The following FAM135B variants were observed in gnomAD, a reference collection of about 807,000 sequenced individuals.
The protein encoded by FAM135B is protein FAM135B.
FAM135B carries 43 observed loss-of-function variants against 127.7 expected under a neutral mutation model. The ratio of observed to expected loss-of-function variants is 0.34; its 90% confidence interval spans 0.26 to 0.43. FAM135B has a LOEUF of 0.43. FAM135B is among the 20% of genes least tolerant of loss of function. The pLI, the probability that FAM135B is intolerant of heterozygous loss-of-function variation, is 1.00. For synonymous variants in FAM135B, 670 were observed against 665.1 expected, an observed-to-expected ratio of 1.01 and a Z score of -0.11; for missense variants, 1,558 against 1,725.6, an observed-to-expected ratio of 0.90 and a Z score of 1.72.
chr8:138,332,983 GCACACACACA>G (rs59548249), intron 2 of FAM135B, among the ~76,000 whole-genome samples: 2 of 145,318 alleles, frequency 1.4e-5, no homozygotes, highest in Non-Finnish European at 3.0e-5. Context: ...TTTGGAAAGC[GCACACACACA>G]CACACACACA....
At position 138,141,414 on chromosome 8, in the gene FAM135B, G is replaced by T; in HGVS notation, c.3639-65C>A. On this transcript the variant is annotated intron_variant, in intron 16 of 19. Coordinates refer to ENST00000395297, the MANE Select transcript of FAM135B (RefSeq NM_015912.4). This position sits in a 1 kb window ranked among gnomAD's most constrained non-coding sequence, Gnocchi z 4.7. ...GAATGCTGCTGCCCAAGAGTGCAGT[G>T]CTGGAAGCATCAGGGGCCATTGTTC... 6.5e-7 allele frequency: 1 copy of T among 1,534,634 alleles called. No individual in the cohort carries two copies. The highest frequency in any genetic ancestry group is 1.4e-5 in the African/African-American group (1 of 73,628).
At chr8:138,444,829 C>T (rs1258309854) in intron 1 of FAM135B, among the ~76,000 whole-genome samples, 1 of 151,916 alleles carries the variant, frequency 6.6e-6, no homozygotes, top group Non-Finnish European at 1.5e-5. Flanking sequence ...GATAGAGACA[C>T]AAAAAACCCT....
At chr8:138,168,227 T>C (rs1820125558) in intron 11 of FAM135B, among the ~76,000 whole-genome samples, 178 bp from the exon 12 acceptor site, 1 of 152,190 alleles carries the variant, frequency 6.6e-6, no homozygotes, top group Non-Finnish European at 1.5e-5. Context: ...CTGCTTTGTT[T>C]TGGAACTGGC....
intron 2 of FAM135B, among the ~76,000 whole-genome samples, chr8:138,329,966 A>C (rs1828052611): frequency 6.6e-6 from 1 of 152,102 alleles, no homozygotes; most frequent in African/African-American, 2.4e-5. Context: ...CTGCTTGATA[A>C]AGTTATGTTG....
rs183512545 is a variant in FAM135B at position 138,131,580 on chromosome 8, C to G, written c.*1013G>C. 10 of 152,742 alleles carry G rather than the reference C, an allele frequency of 6.5e-5. No individual in the cohort carries two copies. The highest frequency in any genetic ancestry group is 2.4e-4 in the African/African-American group (10 of 41,576). 9.5% of individuals were successfully genotyped at this position (152,742 alleles called of 1,614,324 possible). On this transcript the variant is annotated 3_prime_UTR_variant, in exon 20 of 20. Coordinates refer to ENST00000395297, the MANE Select transcript of FAM135B (RefSeq NM_015912.4). ...TTTCTATTGAAAGATAGCCAGCACC[C>G]TTCTTAGAGCTCCCCTGAGGTTTTA...
intron 2 of FAM135B, among the ~76,000 whole-genome samples, chr8:138,344,006 C>A (rs1829230944): frequency 6.6e-6 from 1 of 152,148 alleles, no homozygotes. Context: ...CCTCCAGCAC[C>A]TCTGGCTGCT....
intron 1 of FAM135B, among the ~76,000 whole-genome samples, chr8:138,491,168 G>C (rs1012333454): frequency 6.8e-6 from 1 of 146,090 alleles, no homozygotes; most frequent in Non-Finnish European, 1.5e-5. Context: ...AAGAAAGAAA[G>C]AAAGAAAGAC....
intron 13 of FAM135B, among the ~76,000 whole-genome samples, chr8:138,149,322 G>T (rs1263139850): frequency 6.6e-6 from 1 of 152,042 alleles, no homozygotes; most frequent in Non-Finnish European, 1.5e-5. Context: ...TTTAAAAAGT[G>T]AAAGCTTCTT....
intron 12 of FAM135B, among the ~76,000 whole-genome samples, chr8:138,157,992 T>A (rs921201540): frequency 9.9e-5 from 15 of 152,224 alleles, no homozygotes; most frequent in African/African-American, 3.6e-4. Context: ...CATTGCCAAG[T>A]CAATCCTAAG....
At chr8:138,255,576 T>C (rs538901560) in intron 5 of FAM135B, among the ~76,000 whole-genome samples, 1 of 152,134 alleles carries the variant, frequency 6.6e-6, no homozygotes, top group Non-Finnish European at 1.5e-5. Flanking sequence ...TCTCCACATA[T>C]GTGGAATGAG....
intron 1 of FAM135B, among the ~76,000 whole-genome samples, chr8:138,410,663 C>T (rs1213318285): frequency 2.6e-5 from 4 of 152,154 alleles, no homozygotes; most frequent in Non-Finnish European, 5.9e-5. Context: ...TGGAGAAAAG[C>T]ATTCGCTCAT....
chr8:138,316,639 T>C (rs1016744049), intron 2 of FAM135B, among the ~76,000 whole-genome samples: 3 of 152,076 alleles, frequency 2.0e-5, no homozygotes, highest in African/African-American at 7.2e-5. Context: ...CTGGTGGAAA[T>C]GTAAAATGGA....
chr8:138,397,720 C>T (rs1832925666), intron 1 of FAM135B, among the ~76,000 whole-genome samples: 1 of 152,202 alleles, frequency 6.6e-6, no homozygotes, highest in Admixed American at 6.5e-5. Context: ...CAGATTAAGC[C>T]TCTTTCTCCC....
intron 7 of FAM135B, among the ~76,000 whole-genome samples, chr8:138,226,024 A>AT (rs1819398943): frequency 6.6e-6 from 1 of 152,162 alleles, no homozygotes; most frequent in Non-Finnish European, 1.5e-5. Context: ...AGGAAATAGT[A>AT]TTAGAGCCCA....
rs538347463 is a variant in FAM135B, at chr8:138,217,432, CT to C, written c.670-19764del. On this transcript the variant is annotated intron_variant, in intron 7 of 19. Transcript: ENST00000395297. ...TATTCATTTGTTCTCTGATATATTT[CT>C]TTTTTTTTTTTTTTTGAGATGGAGT... Among the ~76,000 whole-genome samples, 531 of 129,228 alleles carry C rather than the reference CT, an allele frequency of 4.1e-3. 2 individuals carry two copies. Among genetic ancestry groups the C allele is most frequent in the African/African-American group, 0.01 (351 of 33,702 alleles). The allele number at this position is 129,228 out of a possible 152,430, so 84.8% of individuals were successfully genotyped here. A position where few individuals can be genotyped will look rare whatever the true frequency, so the allele number is the denominator to read the frequency against.
intron 2 of FAM135B, among the ~76,000 whole-genome samples, chr8:138,323,973 TC>T: frequency 6.6e-6 from 1 of 152,334 alleles, no homozygotes; most frequent in South Asian, 2.1e-4. Flanking sequence ...CTTGGTATTC[TC>T]CAACAGGGCT....
chr8:138,333,160 A>T (rs1828311817), intron 2 of FAM135B, among the ~76,000 whole-genome samples: 1 of 152,220 alleles, frequency 6.6e-6, no homozygotes, highest in African/African-American at 2.4e-5. Context: ...TGTGCTGTGT[A>T]GGGATTAGCC....
intron 7 of FAM135B, among the ~76,000 whole-genome samples, chr8:138,213,757 G>T (rs1276035632): frequency 1.3e-5 from 2 of 152,120 alleles, no homozygotes; most frequent in African/African-American, 4.8e-5. Flanking sequence ...AAAGTCCAAT[G>T]AACTCACTTA....
chr8:138,186,141 C>T (rs528696010), intron 9 of FAM135B, among the ~76,000 whole-genome samples: 2 of 152,274 alleles, frequency 1.3e-5, no homozygotes, highest in East Asian at 1.9e-4. Flanking sequence ...AGATAAGGTG[C>T]CCGCTCCTCC....
Sources: allele counts gnomAD v4.1 joint callset (sites outside exome capture counted in the v4.1 genomes callset), GRCh38; gene constraint gnomAD v4.1.1; non-coding constraint Gnocchi (gnomAD v3.1); transcripts MANE v1.5; gene names NCBI Gene and HGNC (gene_info 2026-07-23, HGNC 2026-07-21).